Variants in KCNQ3 observed in about 807,000 individuals in gnomAD.
KCNQ3 encodes the protein potassium voltage-gated channel subfamily Q member 3.
A neutral mutation model predicts 92.5 loss-of-function variants in KCNQ3; 30 were observed. That is an observed-to-expected ratio of 0.32 (90% CI 0.24 to 0.44). The LOEUF (loss-of-function observed/expected upper bound fraction) is 0.44. Among genes scored for constraint, KCNQ3 ranks in the 20% least tolerant of loss-of-function variants. KCNQ3 has a pLI of 1.00. For missense variants in KCNQ3, 913 were observed against 1,140.3 expected, an observed-to-expected ratio of 0.80 and a Z score of 2.87; for synonymous variants, 450 against 468.8, an observed-to-expected ratio of 0.96 and a Z score of 0.52.
At chr8:132,200,986 T>A (rs536637684) in intron 1 of KCNQ3, among the ~76,000 whole-genome samples, 2 of 152,274 alleles carry the variant, frequency 1.3e-5, no homozygotes, top group African/African-American at 4.8e-5. Flanking sequence ...GAGCATTTGG[T>A]GAGAGCCTTC....
intron 1 of KCNQ3, among the ~76,000 whole-genome samples, chr8:132,434,170 T>C (rs1490035239): frequency 2.1e-5 from 3 of 142,056 alleles, no homozygotes; most frequent in African/African-American, 7.9e-5. Flanking sequence ...ATCCCGCCAC[T>C]GCACTCCAGC....
chr8:132,136,883 A>AGAT (rs1184753282), intron 12 of KCNQ3, among the ~76,000 whole-genome samples: 1 of 68,614 alleles, frequency 1.5e-5, no homozygotes, highest in African/African-American at 4.7e-5. Flanking sequence ...TTTTTTTTTG[A>AGAT]GATGCAGTCT....
chr8:132,419,480 G>A (rs1387286513), intron 1 of KCNQ3, among the ~76,000 whole-genome samples: 1 of 152,188 alleles, frequency 6.6e-6, no homozygotes, highest in African/African-American at 2.4e-5. Flanking sequence ...TCCAGTGCCT[G>A]AGTCCTGATT....
At chr8:132,230,453 G>C (rs943521882) in intron 1 of KCNQ3, among the ~76,000 whole-genome samples, 2 of 35,926 alleles carry the variant, frequency 5.6e-5, no homozygotes, top group African/African-American at 4.6e-4. Flanking sequence ...GAGAGACAGA[G>C]AGAGAGAGAG....
At chr8:132,255,340 C>T (rs1009856364) in intron 1 of KCNQ3, among the ~76,000 whole-genome samples, 2 of 152,182 alleles carry the variant, frequency 1.3e-5, no homozygotes, top group Non-Finnish European at 2.9e-5. Flanking sequence ...AGACTTTTCC[C>T]TCAGAGAAGT....
At chr8:132,353,406 A>C (rs1563875044) in intron 1 of KCNQ3, among the ~76,000 whole-genome samples, 1 of 152,206 alleles carries the variant, frequency 6.6e-6, no homozygotes, top group Non-Finnish European at 1.5e-5. Context: ...ACCATTGGGC[A>C]CATGGAAACG....
At chr8:132,392,790 CAAAA>C (rs56183412) in intron 1 of KCNQ3, among the ~76,000 whole-genome samples, 22 of 72,628 alleles carry the variant, frequency 3.0e-4, no homozygotes, top group African/African-American at 1.1e-3. Flanking sequence ...GAACCTGTCT[CAAAA>C]AAAAAAAAAA....
intron 1 of KCNQ3, among the ~76,000 whole-genome samples, chr8:132,293,999 G>GT (rs61040125): frequency 0.032 from 2,800 of 87,646 alleles, 149 homozygotes; most frequent in African/African-American, 0.09. Flanking sequence ...GTGTGTGTGT[G>GT]GTTTTTTTTT....
At chr8:132,236,975 G>T (rs1015951028) in intron 1 of KCNQ3, among the ~76,000 whole-genome samples, 8 of 152,270 alleles carry the variant, frequency 5.3e-5, no homozygotes, top group East Asian at 3.9e-4. Flanking sequence ...ACTGAATTCT[G>T]CCAACAACCT....
intron 8 of KCNQ3, among the ~76,000 whole-genome samples, chr8:132,166,076 C>T (rs1030670075): frequency 2.0e-5 from 3 of 152,232 alleles, no homozygotes; most frequent in Non-Finnish European, 4.4e-5. Context: ...GTATTTTCTA[C>T]ATCGTGGGCG....
At position 132,269,291 on chromosome 8, in the gene KCNQ3, A is replaced by G. The variant is rs185469333; in HGVS notation, c.387-83110T>C. Reference sequence around the variant, plus strand: ...ATTAAAAAATCATTACCATACCCAAAGTCATCTAGATTTTCTCCTATGTTT... The same window carrying G: ...ATTAAAAAATCATTACCATACCCAAGGTCATCTAGATTTTCTCCTATGTTT... On this transcript the variant is annotated intron_variant, in intron 1 of 14. Coordinates refer to ENST00000388996, the MANE Select transcript of KCNQ3 (RefSeq NM_004519.4). 4.7e-3 allele frequency among the ~76,000 whole-genome samples: 721 copies of G among 152,306 alleles called. 6 individuals are homozygous for G. The highest frequency in any genetic ancestry group is 0.017 in the African/African-American group (698 of 41,560).
intron 1 of KCNQ3, among the ~76,000 whole-genome samples, chr8:132,347,381 T>G (rs983575915): frequency 2.0e-5 from 3 of 152,218 alleles, no homozygotes; most frequent in Non-Finnish European, 4.4e-5. Context: ...ACACTGCATT[T>G]GCTTACTTTG....
intron 9 of KCNQ3, among the ~76,000 whole-genome samples, chr8:132,153,907 A>G (rs576039446): frequency 6.6e-6 from 1 of 152,194 alleles, no homozygotes; most frequent in South Asian, 2.1e-4. Context: ...AGGGACACCT[A>G]TTCCCCTCTT....
In KCNQ3 at chr8:132,274,916, G is replaced by C. The variant is rs572197635; in HGVS notation, c.387-88735C>G. Among the ~76,000 whole-genome samples, 15 of 152,260 alleles carry C rather than the reference G, an allele frequency of 9.9e-5. No individual in the cohort carries two copies. In the South Asian group the frequency reaches 2.5e-3, roughly 25 times the overall value. On this transcript the variant is annotated intron_variant, in intron 1 of 14. Coordinates refer to ENST00000388996, the MANE Select transcript of KCNQ3 (RefSeq NM_004519.4). ...AGGCCCAGAACAGAGCACAGGACTG[G>C]TCAAAGAAAGCAAAGAGGTCCAATC...
chr8:132,407,075 G>T (rs1168463880), intron 1 of KCNQ3, among the ~76,000 whole-genome samples: 2 of 152,192 alleles, frequency 1.3e-5, no homozygotes, highest in African/African-American at 4.8e-5. Flanking sequence ...CTGCGCCCAT[G>T]CCTTTACCAG....
chr8:132,180,103 G>A (rs1826704360), intron 4 of KCNQ3, 54 bp downstream of exon 4: 1 of 1,583,000 alleles, frequency 6.3e-7, no homozygotes, highest in Admixed American at 1.7e-5. Flanking sequence ...GTCATGGAAG[G>A]GCATAGGTGG....
chr8:132,194,388 G>A (rs564694978), intron 1 of KCNQ3, among the ~76,000 whole-genome samples: 9 of 152,294 alleles, frequency 5.9e-5, no homozygotes, highest in African/African-American at 1.4e-4. Flanking sequence ...CCCACTGTGT[G>A]CCAGGGGTTT....
At chr8:132,395,369 T>C (rs963964927) in intron 1 of KCNQ3, among the ~76,000 whole-genome samples, 7 of 152,180 alleles carry the variant, frequency 4.6e-5, no homozygotes, top group African/African-American at 1.4e-4. Context: ...TCCTCCTGTT[T>C]TTCCCAGAAA....
chr8:132,195,369 G>A (rs1025713119), intron 1 of KCNQ3, among the ~76,000 whole-genome samples: 4 of 152,212 alleles, frequency 2.6e-5, no homozygotes, highest in African/African-American at 9.6e-5. Context: ...AACACCCTGT[G>A]TTGTGAGGCT....
Sources: allele counts gnomAD v4.1 joint callset (sites outside exome capture counted in the v4.1 genomes callset), GRCh38; gene constraint gnomAD v4.1.1; transcripts MANE v1.5; gene names NCBI Gene and HGNC (gene_info 2026-07-23, HGNC 2026-07-21).